TAX1BP3: variants seen among roughly 807,000 people sequenced by gnomAD.
The protein encoded by TAX1BP3 is tax1-binding protein 3.
TAX1BP3 carries 13 observed loss-of-function variants against 15.3 expected under a neutral mutation model. The ratio of observed to expected loss-of-function variants is 0.85; its 90% CI spans 0.55 to 1.35. TAX1BP3 has a LOEUF of 1.35. TAX1BP3 is among the 40% of genes most tolerant of loss of function. The pLI is 0.00. For synonymous variants in TAX1BP3, 70 were observed against 66.0 expected (o/e 1.06, Z -0.30); for missense variants, 147 against 169.6 (o/e 0.87, Z 0.74).
chr17:3,664,695 T>A lies in TAX1BP3; in HGVS notation c.143A>T (p.Glu48Val). ...DQDPSQNPFS[E>V]DKTDKGIYVT... ...CCCCCTCACCTTGTCCGTCTTGTCT[T>A]CAGAGAAGGGATTCTGGGAAGGATC... is the stretch of plus-strand genomic sequence containing the variant. The change falls in exon 2 of 4, where the codon GAA becomes GTA. Residue 48 changes from glutamate (E) to valine (V), a missense_variant. By Grantham distance (121) the Glu-to-Val change is moderately radical. Coordinates refer to ENST00000225525, the MANE Select transcript of TAX1BP3 (RefSeq NM_014604.4). 1 of 1,613,780 alleles carries A rather than the reference T, an allele frequency of 6.2e-7. No homozygotes were observed. The highest frequency in any genetic ancestry group is 8.5e-7 in the Non-Finnish European group (1 of 1,179,920).
intron 3 of TAX1BP3, 149 bp from the exon 4 acceptor site, chr17:3,664,034 C>A (rs963677593): frequency 2.7e-5 from 39 of 1,446,398 alleles, no homozygotes; most frequent in Non-Finnish European, 3.6e-5. Context: ...CTGAGACACA[C>A]AGGAGAGAAA....
At position 3,668,417 on chromosome 17, in the gene TAX1BP3, G is replaced by A; in HGVS notation, c.39+71C>T. On this transcript the variant is annotated intron_variant, in intron 1 of 3. Transcript: ENST00000225525. The surrounding 1 kb of genome is among the most constrained non-coding windows in gnomAD (Gnocchi z 4.1). ...GTTCGATGCTCTGTCAACCTGCTTG[G>A]GGTGTCCGTTTCCCGCTCTGCGAGG... The A allele has an allele frequency of 6.4e-7, 1 of 1,574,028 alleles. No homozygotes were observed. Among genetic ancestry groups the A allele is most frequent in the Non-Finnish European group, 8.6e-7 (1 of 1,156,812 alleles).
Position 3,665,740 on chromosome 17 carries a change from TCCAAAAAAAA to T in TAX1BP3, c.40-952_40-943del, listed in dbSNP as rs1282042751. 184 of 115,920 alleles carry T rather than the reference TCCAAAAAAAA, an allele frequency of 1.6e-3. 1 individual carries two copies. The highest frequency in any genetic ancestry group is 2.0e-3 in the Non-Finnish European group (126 of 62,534). 7.2% of individuals were successfully genotyped at this position (115,920 alleles called of 1,614,324 possible). A position where few individuals can be genotyped will look rare whatever the true frequency, so the allele number is the denominator to read the frequency against. ...AAAAAAAAATAAAGGATCTCTGGGCTCCAAAAAAAAAAAAAAAAAAAAAAAGAAAGGAGAG... is the reference window on the plus strand; with the variant it reads ...AAAAAAAAATAAAGGATCTCTGGGCTAAAAAAAAAAAAAAAGAAAGGAGAG... On this transcript the variant is annotated intron_variant, in intron 1 of 3. Transcript: ENST00000225525.
intron 2 of TAX1BP3, 179 bp from the exon 3 acceptor site, chr17:3,664,451 T>G: frequency 2.1e-6 from 2 of 934,058 alleles, no homozygotes; most frequent in Non-Finnish European, 3.3e-6. Flanking sequence ...TGCACCACCA[T>G]GCACCGGCCC....
chr17:3,666,192 C>G (rs531974432), intron 1 of TAX1BP3, among the ~76,000 whole-genome samples: 6 of 152,256 alleles, frequency 3.9e-5, no homozygotes, highest in African/African-American at 1.4e-4. Context: ...AGAAGTTTCC[C>G]AAAGGGAGGA....
At chr17:3,665,818 G>A in intron 1 of TAX1BP3, 1 of 628,178 alleles carries the variant, frequency 1.6e-6, no homozygotes. Context: ...AGGGTGCCGT[G>A]GATACGTGTT....
At chr17:3,663,938 T>C in intron 3 of TAX1BP3, 53 bp from the exon 4 acceptor site, 1 of 1,579,332 alleles carries the variant, frequency 6.3e-7, no homozygotes, top group East Asian at 2.3e-5. Context: ...CTCTGGGATC[T>C]GGAAGCAGAG....
chr17:3,668,426 T>C lies in TAX1BP3; in HGVS notation c.39+62A>G. 1.9e-6 allele frequency: 3 copies of C among 1,584,686 alleles called. No homozygotes were observed. Among genetic ancestry groups the C allele is most frequent in the Non-Finnish European group, 2.6e-6 (3 of 1,164,234 alleles). On this transcript the variant is annotated intron_variant, in intron 1 of 3. Transcript: ENST00000225525. The surrounding 1 kb of genome is among the most constrained non-coding windows in gnomAD (Gnocchi z 4.1). ...TCTGTCAACCTGCTTGGGGTGTCCG[T>C]TTCCCGCTCTGCGAGGTGGGGTCAG...
At chr17:3,663,984 A>AG in intron 3 of TAX1BP3, 99 bp from the exon 4 acceptor site, 1 of 1,514,234 alleles carries the variant, frequency 6.6e-7, no homozygotes, top group Non-Finnish European at 8.9e-7. Flanking sequence ...GTAGGCCCCC[A>AG]GCCTAACATC....
chr17:3,668,568 G>C lies in TAX1BP3; in HGVS notation c.-42C>G, dbSNP rs1405571158. On this transcript the variant is annotated 5_prime_UTR_variant, in exon 1 of 4. Coordinates refer to ENST00000225525, the MANE Select transcript of TAX1BP3 (RefSeq NM_014604.4). This position sits in a 1 kb window ranked among gnomAD's most constrained non-coding sequence, Gnocchi z 4.1. Reference sequence around the variant, plus strand: ...TCGCCCAGCGCCGCTCCGAGAAGCCGGCAGCAGAGTACCCGCGGTCGCGCC... The same window carrying C: ...TCGCCCAGCGCCGCTCCGAGAAGCCCGCAGCAGAGTACCCGCGGTCGCGCC... The C allele has an allele frequency of 6.3e-7, 1 of 1,577,986 alleles. No homozygotes were observed. The highest frequency in any genetic ancestry group is 8.6e-7 in the Non-Finnish European group (1 of 1,164,106).
intron 3 of TAX1BP3, 68 bp downstream of exon 3, chr17:3,664,127 C>A: frequency 6.3e-7 from 1 of 1,591,302 alleles, no homozygotes; most frequent in Middle Eastern, 1.7e-4. Context: ...TGGGGCAGCT[C>A]CCCACCCCCA....
chr17:3,668,415 T>C lies in TAX1BP3; in HGVS notation c.39+73A>G, dbSNP rs1292809287. The C allele has an allele frequency of 1.9e-6, 3 of 1,571,162 alleles. No individual in the cohort carries two copies. Among genetic ancestry groups the C allele is most frequent in the Non-Finnish European group, 2.6e-6 (3 of 1,155,270 alleles). On this transcript the variant is annotated intron_variant, in intron 1 of 3. Transcript: ENST00000225525. The surrounding 1 kb of genome is among the most constrained non-coding windows in gnomAD (Gnocchi z 4.1). The stretch of plus-strand genomic sequence containing the variant: ...GGGTTCGATGCTCTGTCAACCTGCT[T>C]GGGGTGTCCGTTTCCCGCTCTGCGA...
chr17:3,664,016 C>G lies in TAX1BP3; in HGVS notation c.238-131G>C. ...CATCCCAGGGCTGGGAGACACCAAG[C>G]ACTGTGGCTGAGACACACAGGAGAG... On this transcript the variant is annotated intron_variant, in intron 3 of 3. Coordinates refer to ENST00000225525, the MANE Select transcript of TAX1BP3 (RefSeq NM_014604.4). 3 of 1,459,162 alleles carry G rather than the reference C, an allele frequency of 2.1e-6. No homozygotes were observed. In the South Asian group the frequency reaches 3.9e-5, roughly 19 times the overall value. The allele number at this position is 1,459,162 out of a possible 1,614,324, so 90.4% of individuals were successfully genotyped here.
chr17:3,668,354 G>A lies in TAX1BP3; in HGVS notation c.39+134C>T. Reference sequence around the variant, plus strand: ...ACTGCGGCCCGCTCCGGCAAAGCGGGGACCCGAGCCCTTGCCGCCGGTTCG... The same window carrying A: ...ACTGCGGCCCGCTCCGGCAAAGCGGAGACCCGAGCCCTTGCCGCCGGTTCG... On this transcript the variant is annotated intron_variant, in intron 1 of 3. Coordinates refer to ENST00000225525, the MANE Select transcript of TAX1BP3 (RefSeq NM_014604.4). The surrounding 1 kb of genome is among the most constrained non-coding windows in gnomAD (Gnocchi z 4.1). 8.4e-7 allele frequency: 1 copy of A among 1,194,738 alleles called. No individual in the cohort carries two copies. Among genetic ancestry groups the A allele is most frequent in the Non-Finnish European group, 1.1e-6 (1 of 873,272 alleles). 74.0% of individuals were successfully genotyped at this position (1,194,738 alleles called of 1,614,324 possible).
intron 1 of TAX1BP3, among the ~76,000 whole-genome samples, chr17:3,667,186 T>C (rs2076349379): frequency 2.0e-5 from 3 of 151,356 alleles, no homozygotes; most frequent in African/African-American, 7.3e-5. Context: ...CTACTAAAAA[T>C]ACAAAAATTA....
intron 3 of TAX1BP3, 60 bp downstream of exon 3, chr17:3,664,135 C>T: frequency 6.2e-7 from 1 of 1,605,570 alleles, no homozygotes; most frequent in South Asian, 1.1e-5. Context: ...CTCCCCACCC[C>T]CAAGTGCTTC....
intron 1 of TAX1BP3, 45 bp from the exon 2 acceptor site, chr17:3,664,843 AT>A: frequency 6.3e-7 from 1 of 1,596,164 alleles, no homozygotes; most frequent in South Asian, 1.1e-5. Flanking sequence ...TGGTTGGAGA[AT>A]TAGGCTGGTG....
In TAX1BP3 at chr17:3,663,712, G is replaced by C; in HGVS notation, c.*36C>G. The C allele has an allele frequency of 6.3e-7, 1 of 1,586,362 alleles. No homozygotes were observed. The highest frequency in any genetic ancestry group is 2.2e-5 in the East Asian group (1 of 44,448). On this transcript the variant is annotated 3_prime_UTR_variant, in exon 4 of 4. Transcript: ENST00000225525. ...TGTGGAAGTGGCGTTACTGTACAGA[G>C]AGGCGGCAGGCAGGAGTCGCAGATG...
Position 3,668,459 on chromosome 17 carries a change from C to T in TAX1BP3, c.39+29G>A, listed in dbSNP as rs760519536. ...TCTGCGAGGTGGGGTCAGGCCAAGACGAGGAGGAGCCCGCGCAAGCGCACT... is the reference window on the plus strand; with the variant it reads ...TCTGCGAGGTGGGGTCAGGCCAAGATGAGGAGGAGCCCGCGCAAGCGCACT... On this transcript the variant is annotated intron_variant, in intron 1 of 3. Transcript: ENST00000225525. This position sits in a 1 kb window ranked among gnomAD's most constrained non-coding sequence, Gnocchi z 4.1. 1.9e-6 allele frequency: 3 copies of T among 1,606,454 alleles called. No individual in the cohort carries two copies. Among genetic ancestry groups the T allele is most frequent in the Admixed American group, 1.7e-5 (1 of 59,442 alleles).
Sources: allele counts gnomAD v4.1 joint callset (sites outside exome capture counted in the v4.1 genomes callset), GRCh38; gene constraint gnomAD v4.1.1; non-coding constraint Gnocchi (gnomAD v3.1); transcripts MANE v1.5; gene names NCBI Gene and HGNC (gene_info 2026-07-23, HGNC 2026-07-21).